The following PDXDC1 variants were observed in gnomAD, a reference collection of about 807,000 sequenced individuals.
PDXDC1 encodes pyridoxal dependent decarboxylase domain containing 1.
In PDXDC1, 42 loss-of-function variants were observed where a neutral mutation model predicts 100.1. The ratio of observed to expected loss-of-function variants is 0.42; its 90% CI spans 0.33 to 0.54. PDXDC1 has a LOEUF of 0.54. PDXDC1 is among the 20% of genes least tolerant of loss of function. The probability of loss-of-function intolerance (pLI) is 0.10; values close to 1 mark genes in which losing one functional copy is unlikely to be tolerated. For missense variants in PDXDC1, 636 were observed against 979.2 expected, an observed-to-expected ratio of 0.65 and a Z score of 4.68; for synonymous variants, 260 against 371.7, an observed-to-expected ratio of 0.70 and a Z score of 3.46.
intron 16 of PDXDC1, chr16:15,138,190 A>T: frequency 2.8e-6 from 1 of 351,136 alleles, no homozygotes; most frequent in Non-Finnish European, 5.1e-6. Context: ...ACCACAACTT[A>T]CATTTCACTT....
intron 16 of PDXDC1, among the ~76,000 whole-genome samples, chr16:15,120,962 C>CAA (rs1326359080): frequency 3.3e-4 from 4 of 12,192 alleles, no homozygotes; most frequent in Non-Finnish European, 5.4e-4. Context: ...GACTCTGTCT[C>CAA]AAAAAAAAGA....
At chr16:15,106,812 T>G in intron 16 of PDXDC1, 1 of 206,708 alleles carries the variant, frequency 4.8e-6, no homozygotes, top group Non-Finnish European at 1.0e-5. Context: ...TGTTGCTATA[T>G]TGATTCCTCC....
Position 15,001,823 on chromosome 16 carries a change from A to G in PDXDC1, c.209A>G (p.His70Arg), listed in dbSNP as rs1373818233. 1 of 1,610,722 alleles carries G rather than the reference A, an allele frequency of 6.2e-7. No homozygotes were observed. Among genetic ancestry groups the G allele is most frequent in the Admixed American group, 1.7e-5 (1 of 59,406 alleles). ...SILQLVQNLM[H>R]GDEDEEPQSP... ...CTCCAGTTAGTTCAGAATCTCATGC[A>G]TGGAGATGAAGATGAGGAGCCCCAG... Residue 70 changes from histidine to arginine, a missense_variant, in exon 4 of 23, where the codon CAT becomes CGT. By Grantham distance (29) the His-to-Arg change is conservative (BLOSUM62 0). Coordinates refer to ENST00000396410, the MANE Select transcript of PDXDC1 (RefSeq NM_015027.4).
chr16:15,092,288 CATT>C (rs1475458911), intron 16 of PDXDC1, among the ~76,000 whole-genome samples: 2 of 152,100 alleles, frequency 1.3e-5, no homozygotes, highest in African/African-American at 4.8e-5. Context: ...TCAGTAAAGA[CATT>C]ATTACTCTCT....
chr16:15,144,540 C>T, the PDXDC1 span, among the ~76,000 whole-genome samples: 1 of 152,144 alleles, frequency 6.6e-6, no homozygotes, highest in Non-Finnish European at 1.5e-5. Flanking sequence ...AGGCCCCAGG[C>T]AACAGAGCCC....
At chr16:14,993,405 T>G (rs1404888801) in intron 1 of PDXDC1, among the ~76,000 whole-genome samples, 1 of 152,196 alleles carries the variant, frequency 6.6e-6, no homozygotes, top group African/African-American at 2.4e-5. Flanking sequence ...TGGTGTTTTG[T>G]CCTTGAGATA....
At chr16:15,102,125 C>G (rs1248018298) in intron 16 of PDXDC1, among the ~76,000 whole-genome samples, 2 of 152,068 alleles carry the variant, frequency 1.3e-5, no homozygotes, top group Non-Finnish European at 2.9e-5. Context: ...GGATTACAGG[C>G]ATGAGCCACT....
chr16:15,141,674 C>T (rs1481104453), downstream of PDXDC1, among the ~76,000 whole-genome samples: 1 of 152,226 alleles, frequency 6.6e-6, no homozygotes, highest in Non-Finnish European at 1.5e-5. Context: ...GGTAGGGACA[C>T]AGGCTGAGGT....
chr16:15,124,155 T>A (rs2047575813), intron 16 of PDXDC1, among the ~76,000 whole-genome samples: 1 of 152,160 alleles, frequency 6.6e-6, no homozygotes, highest in South Asian at 2.1e-4. Context: ...CCCAGAGGGC[T>A]TGGCCGCATC....
chr16:15,093,975 A>G (rs1158074852), intron 16 of PDXDC1: 9 of 666,874 alleles, frequency 1.3e-5, no homozygotes, highest in Non-Finnish European at 2.4e-5. Flanking sequence ...ACCCATGTCT[A>G]TTACCCAGTT....
At position 15,031,925 on chromosome 16, in the gene PDXDC1, G is replaced by C. The variant is rs375135561; in HGVS notation, c.1571+19G>C. On this transcript the variant is annotated intron_variant, in intron 17 of 22. Transcript: ENST00000396410. ...TTGTCAGGTAAAGTCTTGGCCTGCCGCTTGATGTTGGAGACTTTTCTGTAT... is the reference window on the plus strand; with the variant it reads ...TTGTCAGGTAAAGTCTTGGCCTGCCCCTTGATGTTGGAGACTTTTCTGTAT... The C allele has an allele frequency of 7.0e-6, 11 of 1,571,210 alleles. No homozygotes were observed. The South Asian group carries it at 1.3e-4, about 18-fold the overall frequency.
chr16:14,996,266 G>C, intron 1 of PDXDC1: 1 of 343,864 alleles, frequency 2.9e-6, no homozygotes, highest in Non-Finnish European at 5.7e-6. Context: ...TTTTGAGGAG[G>C]CAATGCAGTT....
At chr16:15,094,998 C>G (rs535680338) in intron 16 of PDXDC1, among the ~76,000 whole-genome samples, 9 of 152,108 alleles carry the variant, frequency 5.9e-5, no homozygotes, top group African/African-American at 2.2e-4. Flanking sequence ...CCACCACACC[C>G]GGCTAATTTT....
intron 8 of PDXDC1, among the ~76,000 whole-genome samples, chr16:15,012,851 TAA>T (rs34263288): frequency 4.5e-3 from 663 of 146,308 alleles, no homozygotes; most frequent in African/African-American, 0.01. Context: ...GATCCTTTCT[TAA>T]AAAAAAAAAA....
At chr16:15,083,304 C>A (rs1209578531) in intron 16 of PDXDC1, among the ~76,000 whole-genome samples, 1 of 152,040 alleles carries the variant, frequency 6.6e-6, no homozygotes, top group East Asian at 1.9e-4. Flanking sequence ...GAGGCTGAGG[C>A]AGGAGAATCG....
At position 15,080,158 on chromosome 16, in the gene PDXDC1, A is replaced by G. The variant is rs1246967916; in HGVS notation, c.1399+50102A>G. ...AGAATAAACGTTTCACAGTTATGTAAGCAAAACATCAATTACATGACCTTT... is the reference window on the plus strand; with the variant it reads ...AGAATAAACGTTTCACAGTTATGTAGGCAAAACATCAATTACATGACCTTT... On this transcript the variant is annotated intron_variant, in intron 16 of 16. Transcript: ENST00000535621. 10 of 1,517,330 alleles carry G rather than the reference A, an allele frequency of 6.6e-6. No homozygotes were observed. The Admixed American group carries it at 1.5e-4, about 23-fold the overall frequency. The allele number at this position is 1,517,330 out of a possible 1,614,324, so 94.0% of individuals were successfully genotyped here. A position where few individuals can be genotyped will look rare whatever the true frequency, so the allele number is the denominator to read the frequency against.
In PDXDC1 at chr16:15,135,229, A is replaced by G. The variant is rs945394625; in HGVS notation, c.1400-3650A>G. The G allele has an allele frequency of 2.3e-5, 18 of 778,114 alleles. No individual in the cohort carries two copies. In the African/African-American group the frequency reaches 2.9e-4, roughly 12 times the overall value. 48.2% of individuals were successfully genotyped at this position (778,114 alleles called of 1,614,324 possible). The stretch of plus-strand genomic sequence containing the variant: ...AAAACACGGAAAACAGTAGATGAGC[A>G]GGGAGGTTGGGCTGTCCAAGGCAAG... On this transcript the variant is annotated intron_variant, in intron 16 of 16. Transcript: ENST00000535621.
chr16:15,133,495 G>A, intron 16 of PDXDC1: 2 of 853,492 alleles, frequency 2.3e-6, no homozygotes, highest in Admixed American at 2.0e-5. Context: ...CTCACCTGTT[G>A]AGGGCGACCA....
intron 16 of PDXDC1, chr16:15,083,406 A>T: frequency 2.0e-6 from 3 of 1,519,976 alleles, no homozygotes; most frequent in Non-Finnish European, 2.7e-6. Context: ...CTCAAAAAAG[A>T]AAAAGAAAAA....
Sources: gnomAD v4.1 joint callset for allele counts (sites outside exome capture counted in the v4.1 genomes callset) on GRCh38, gnomAD v4.1.1 for gene constraint, MANE v1.5 for transcripts, NCBI Gene and HGNC (gene_info 2026-07-23, HGNC 2026-07-21) for gene names.